The following RAPGEF5 variants were observed in gnomAD, a reference collection of about 807,000 sequenced individuals.
RAPGEF5 encodes the protein Rap guanine nucleotide exchange factor 5.
In RAPGEF5, 65 loss-of-function variants were observed where a neutral mutation model predicts 125.2. That is an observed-to-expected ratio of 0.52 (90% confidence interval 0.43 to 0.64). The LOEUF is 0.64. Ranked by LOEUF, RAPGEF5 falls within the 30% of genes least tolerant of loss-of-function variation. The pLI, the probability that RAPGEF5 is intolerant of heterozygous loss-of-function variation, is 0.00. For synonymous variants in RAPGEF5, 391 were observed against 385.9 expected (o/e 1.01, Z -0.16); for missense variants, 958 against 1,048.1 (o/e 0.91, Z 1.19).
At chr7:22,354,225 T>C (rs1784381023) in intron 1 of RAPGEF5, among the ~76,000 whole-genome samples, 2 of 152,200 alleles carry the variant, frequency 1.3e-5, no homozygotes, top group Admixed American at 1.3e-4. Flanking sequence ...ACCACACATA[T>C]TCCTAAATCA....
chr7:22,300,685 C>T (rs1486830135), intron 5 of RAPGEF5, among the ~76,000 whole-genome samples: 1 of 152,212 alleles, frequency 6.6e-6, no homozygotes, highest in Non-Finnish European at 1.5e-5. Flanking sequence ...GGTTTACCCT[C>T]TCCTGGATTC....
intron 1 of RAPGEF5, among the ~76,000 whole-genome samples, chr7:22,352,144 C>T (rs17720371): frequency 0.4 from 61,422 of 151,950 alleles, 12,808 homozygotes; most frequent in Non-Finnish European, 0.47. Context: ...GATACCAAGA[C>T]GTTGAAGACA....
chr7:22,185,624 A>C (rs372189697), intron 11 of RAPGEF5, among the ~76,000 whole-genome samples: 6 of 152,226 alleles, frequency 3.9e-5, no homozygotes, highest in African/African-American at 1.4e-4. Flanking sequence ...AGTAGAACAG[A>C]AATCATATTC....
intron 6 of RAPGEF5, among the ~76,000 whole-genome samples, chr7:22,288,355 C>T (rs934733657): frequency 2.0e-5 from 3 of 152,078 alleles, no homozygotes; most frequent in Non-Finnish European, 2.9e-5. Context: ...CTGTTCTTAT[C>T]TCCTCAAATG....
intron 5 of RAPGEF5, among the ~76,000 whole-genome samples, chr7:22,294,398 C>T (rs1783004390): frequency 6.6e-6 from 1 of 152,166 alleles, no homozygotes; most frequent in African/African-American, 2.4e-5. Flanking sequence ...GGGGAGAGTG[C>T]TGAGTCCTGG....
At chr7:22,278,004 CT>C (rs1017148438) in intron 6 of RAPGEF5, among the ~76,000 whole-genome samples, 4 of 152,138 alleles carry the variant, frequency 2.6e-5, no homozygotes, top group African/African-American at 9.7e-5. Context: ...GACACGGATC[CT>C]GAAAAACAAT....
chr7:22,345,168 A>C (rs940024250), intron 1 of RAPGEF5, among the ~76,000 whole-genome samples: 19 of 152,360 alleles, frequency 1.2e-4, no homozygotes, highest in African/African-American at 4.6e-4. Flanking sequence ...CCTTCACCGC[A>C]GCCTGAGGCT....
Position 22,129,518 on chromosome 7 carries a change from G to A in RAPGEF5, c.2481+1519C>T, listed in dbSNP as rs1782849927. Among the ~76,000 whole-genome samples the A allele has an allele frequency of 2.0e-5, 3 of 152,150 alleles. No individual in the cohort carries two copies. The South Asian group carries it at 6.2e-4, about 32-fold the overall frequency. ...CGCAATTGTTTCATTAATCCCAAAC[G>A]ACAGGGATTAACCTGCTTAGAGGCA... On this transcript the variant is annotated intron_variant, in intron 24 of 25. Transcript: ENST00000665637.
intron 11 of RAPGEF5, among the ~76,000 whole-genome samples, chr7:22,187,179 T>C (rs1382298080): frequency 6.6e-6 from 1 of 151,838 alleles, no homozygotes; most frequent in Non-Finnish European, 1.5e-5. Context: ...ATAAATTGAC[T>C]TTGGAGGTCA....
rs562618825 is a variant in RAPGEF5 at position 22,291,686 on chromosome 7, G to A, written c.681-445C>T. ...AGCCAAAACAAACTTACTATAAAAC[G>A]GTATTATTATAGGCCTAATACCACT... is the stretch of plus-strand genomic sequence containing the variant. On this transcript the variant is annotated intron_variant, in intron 5 of 25. Transcript: ENST00000665637. Among the ~76,000 whole-genome samples, 7 of 152,216 alleles carry A rather than the reference G, an allele frequency of 4.6e-5. No individual in the cohort carries two copies. The South Asian group carries it at 6.2e-4, about 14-fold the overall frequency.
chr7:22,310,077 C>A lies in RAPGEF5; in HGVS notation c.403G>T (p.Gly135Trp). The change falls in exon 4 of 26, where the codon GGG becomes TGG. Residue 135 changes from glycine to tryptophan, a missense_variant. Coordinates refer to ENST00000665637, the MANE Select transcript of RAPGEF5 (RefSeq NM_012294.5). ...LKGFYRRSCV[G>W]SELVDWLLEH... ...AGAAGCCAGTCTACCAGCTCTGACC[C>A]AACGCAGCTCCTCCTGAACAAAAGC... The A allele has an allele frequency of 6.3e-7, 1 of 1,576,070 alleles. No individual in the cohort carries two copies. Among genetic ancestry groups the A allele is most frequent in the Non-Finnish European group, 8.6e-7 (1 of 1,165,660 alleles).
At chr7:22,152,868 A>G (rs1205086400) in intron 17 of RAPGEF5, among the ~76,000 whole-genome samples, 1 of 152,242 alleles carries the variant, frequency 6.6e-6, no homozygotes, top group Non-Finnish European at 1.5e-5. Context: ...TAGAGGATGG[A>G]AAATAATGGC....
At chr7:22,322,723 T>C (rs747319100) in intron 1 of RAPGEF5, among the ~76,000 whole-genome samples, 1 of 152,220 alleles carries the variant, frequency 6.6e-6, no homozygotes, top group East Asian at 1.9e-4. Context: ...TCGATGTAAA[T>C]AGAACCATCT....
intron 11 of RAPGEF5, among the ~76,000 whole-genome samples, chr7:22,185,859 ATT>A (rs368164128): frequency 0.024 from 3,550 of 145,912 alleles, 50 homozygotes; most frequent in Middle Eastern, 0.058. Flanking sequence ...AATTAATCTA[ATT>A]TTTTTTTTTT....
chr7:22,179,153 T>A (rs1784596817), intron 11 of RAPGEF5, among the ~76,000 whole-genome samples: 3 of 152,190 alleles, frequency 2.0e-5, no homozygotes, highest in Admixed American at 2.0e-4. Context: ...AATAGAATAT[T>A]ATATACAATT....
intron 6 of RAPGEF5, among the ~76,000 whole-genome samples, chr7:22,284,528 C>T (rs932989853): frequency 2.0e-5 from 3 of 152,180 alleles, no homozygotes; most frequent in African/African-American, 7.2e-5. Context: ...CTCAATCTGC[C>T]TGGCCCTTCC....
rs75562553 is a variant in RAPGEF5 at position 22,193,907 on chromosome 7, A to T, written c.1115+8T>A. ...CGCGTGCCTCTGTGGCTGCAGGGAA[A>T]CTCTCACCTCCAATGGCTCTCCGCA... On this transcript the variant is annotated splice_region_variant and intron_variant, in intron 10 of 25. Coordinates refer to ENST00000665637, the MANE Select transcript of RAPGEF5 (RefSeq NM_012294.5). 2 of 1,611,186 alleles carry T rather than the reference A, an allele frequency of 1.2e-6. No homozygotes were observed. The highest frequency in any genetic ancestry group is 3.3e-5 in the Admixed American group (2 of 59,770).
chr7:22,194,978 T>C (rs1785112901), intron 9 of RAPGEF5, among the ~76,000 whole-genome samples: 1 of 152,212 alleles, frequency 6.6e-6, no homozygotes, highest in South Asian at 2.1e-4. Flanking sequence ...ATAAGATGCA[T>C]GTCCGAAAAT....
At chr7:22,154,888 C>T (rs943697537) in intron 16 of RAPGEF5, among the ~76,000 whole-genome samples, 3 of 152,206 alleles carry the variant, frequency 2.0e-5, no homozygotes, top group Admixed American at 6.5e-5. Context: ...AGACCCGAGT[C>T]ACGCAAGTGT....
Sources: allele counts gnomAD v4.1 joint callset (sites outside exome capture counted in the v4.1 genomes callset), GRCh38; gene constraint gnomAD v4.1.1; transcripts MANE v1.5; gene names NCBI Gene and HGNC (gene_info 2026-07-23, HGNC 2026-07-21).